BMPER: variants seen among roughly 807,000 people sequenced by gnomAD.
BMPER encodes the protein BMP-binding endothelial regulator protein.
In BMPER, 45 loss-of-function variants were observed where a neutral mutation model predicts 87.3. That is an observed-to-expected ratio of 0.52 (90% CI 0.41 to 0.66). The LOEUF (loss-of-function observed/expected upper bound fraction) is 0.66. Ranked by LOEUF, BMPER falls within the 30% of genes least tolerant of loss-of-function variation. The probability of loss-of-function intolerance (pLI) is 0.00; values close to 1 mark genes in which losing one functional copy is unlikely to be tolerated. For synonymous variants in BMPER, 326 were observed against 316.2 expected (o/e 1.03, Z -0.33); for missense variants, 784 against 867.5 (o/e 0.90, Z 1.21).
Position 34,113,232 on chromosome 7 carries a change from A to T in BMPER, c.1745+27140A>T, listed in dbSNP as rs144846000. Among the ~76,000 whole-genome samples the T allele has an allele frequency of 7.3e-3, 1,116 of 152,058 alleles. 9 individuals carry two copies. Among genetic ancestry groups the T allele is most frequent in the Middle Eastern group, 0.034 (10 of 294 alleles). ...ATTGATTTTTGAGAGTTCTTTTGGT[A>T]TTAAAGATATTAGCCTTTTATAGTA... On this transcript the variant is annotated intron_variant, in intron 13 of 14. Transcript: ENST00000649409.
intron 1 of BMPER, 27 bp downstream of exon 1, chr7:33,905,773 C>G: frequency 6.3e-7 from 1 of 1,586,988 alleles, no homozygotes; most frequent in Non-Finnish European, 8.6e-7. Context: ...GAGGGACCGG[C>G]CCTCCGGGAC....
chr7:34,152,066 C>T (rs151154691), intron 14 of BMPER, among the ~76,000 whole-genome samples: 14 of 152,274 alleles, frequency 9.2e-5, no homozygotes, highest in African/African-American at 1.9e-4. Flanking sequence ...AATTGAGGCC[C>T]GTTTGCTGGC....
intron 3 of BMPER, among the ~76,000 whole-genome samples, chr7:33,952,146 G>A (rs1050588995): frequency 5.3e-5 from 8 of 152,100 alleles, no homozygotes; most frequent in African/African-American, 1.9e-4. Flanking sequence ...TAGGACTTCG[G>A]ATTTCCAAGG....
At chr7:34,030,410 C>T (rs1428763000) in intron 6 of BMPER, among the ~76,000 whole-genome samples, 1 of 152,020 alleles carries the variant, frequency 6.6e-6, no homozygotes, top group Admixed American at 6.6e-5. Context: ...TGAGAAACAC[C>T]ATATCCTGTA....
chr7:34,054,975 T>G (rs1213173747), intron 8 of BMPER, among the ~76,000 whole-genome samples, 188 bp from the exon 9 acceptor site: 1 of 152,182 alleles, frequency 6.6e-6, no homozygotes, highest in Non-Finnish European at 1.5e-5. Context: ...TGCCCTGATA[T>G]TCTAGTCTAG....
chr7:34,096,971 G>A (rs1016435694), intron 13 of BMPER, among the ~76,000 whole-genome samples: 4 of 152,226 alleles, frequency 2.6e-5, no homozygotes, highest in African/African-American at 9.7e-5. Flanking sequence ...TCCAGGGAAT[G>A]AGAAAGGAGT....
chr7:33,933,843 T>C (rs1784537528), intron 2 of BMPER, among the ~76,000 whole-genome samples: 1 of 152,178 alleles, frequency 6.6e-6, no homozygotes, highest in Non-Finnish European at 1.5e-5. Context: ...CAGGCCTCTA[T>C]TTGTATTCCA....
chr7:33,989,495 A>G (rs930927462), intron 6 of BMPER, among the ~76,000 whole-genome samples: 9 of 152,040 alleles, frequency 5.9e-5, no homozygotes, highest in Admixed American at 2.6e-4. Flanking sequence ...GTTTGAGTTC[A>G]TTGTAGATTC....
At chr7:34,114,822 G>A (rs567525317) in intron 13 of BMPER, among the ~76,000 whole-genome samples, 82 of 152,350 alleles carry the variant, frequency 5.4e-4, no homozygotes, top group Non-Finnish European at 1.1e-3. Context: ...GCAACACATA[G>A]TTCTGAAACT....
chr7:34,080,854 G>A (rs1042219555), intron 12 of BMPER, among the ~76,000 whole-genome samples: 24 of 152,146 alleles, frequency 1.6e-4, no homozygotes, highest in African/African-American at 5.8e-4. Flanking sequence ...ACAACCTTAT[G>A]GAATAAATGT....
intron 3 of BMPER, among the ~76,000 whole-genome samples, chr7:33,952,212 C>T (rs1159386865): frequency 6.6e-6 from 1 of 152,134 alleles, no homozygotes; most frequent in African/African-American, 2.4e-5. Context: ...ATAGAATGAA[C>T]CTTTAATGTA....
chr7:34,080,882 C>T (rs536649732), intron 12 of BMPER, among the ~76,000 whole-genome samples: 1 of 151,510 alleles, frequency 6.6e-6, no homozygotes, highest in South Asian at 2.1e-4. Flanking sequence ...ACAAAGATTC[C>T]ATGTTATAAA....
At chr7:33,977,956 C>A (rs149530886) in intron 6 of BMPER, among the ~76,000 whole-genome samples, 2 of 151,978 alleles carry the variant, frequency 1.3e-5, no homozygotes, top group East Asian at 1.9e-4. Flanking sequence ...CAGAAGAGTG[C>A]GGAGGGGAGA....
At chr7:33,941,281 C>T (rs1034149219) in intron 3 of BMPER, among the ~76,000 whole-genome samples, 3 of 148,132 alleles carry the variant, frequency 2.0e-5, no homozygotes, top group Admixed American at 6.9e-5. Context: ...ACAATGGGGT[C>T]TCCTTAGCAA....
intron 14 of BMPER, among the ~76,000 whole-genome samples, chr7:34,145,589 C>T (rs1310707480): frequency 6.6e-6 from 1 of 152,126 alleles, no homozygotes; most frequent in African/African-American, 2.4e-5. Context: ...CTTGAATACT[C>T]CTAGCTCCCT....
intron 13 of BMPER, among the ~76,000 whole-genome samples, chr7:34,118,234 G>A (rs1790167609): frequency 6.6e-6 from 1 of 151,310 alleles, no homozygotes; most frequent in Admixed American, 6.6e-5. Flanking sequence ...GAACCCGGGA[G>A]GCGGAGTTTG....
chr7:34,077,438 G>A (rs1386672181), intron 11 of BMPER, among the ~76,000 whole-genome samples: 1 of 152,170 alleles, frequency 6.6e-6, no homozygotes, highest in Non-Finnish European at 1.5e-5. Context: ...CTTTCAAAAT[G>A]TGTCTCTCCC....
chr7:33,913,190 G>A (rs570164024), intron 2 of BMPER, among the ~76,000 whole-genome samples: 4 of 152,322 alleles, frequency 2.6e-5, no homozygotes, highest in African/African-American at 9.6e-5. Flanking sequence ...GCAAAGCCTT[G>A]TTGGAGGAAG....
At chr7:33,920,113 G>A (rs576147721) in intron 2 of BMPER, among the ~76,000 whole-genome samples, 1 of 152,282 alleles carries the variant, frequency 6.6e-6, no homozygotes, top group South Asian at 2.1e-4. Flanking sequence ...GTGACAAGGG[G>A]CACACAATTC....
Sources: gnomAD v4.1 joint callset for allele counts (sites outside exome capture counted in the v4.1 genomes callset) on GRCh38, gnomAD v4.1.1 for gene constraint, MANE v1.5 for transcripts, NCBI Gene and HGNC (gene_info 2026-07-23, HGNC 2026-07-21) for gene names.